Variants in NTNG2 observed in about 807,000 individuals in gnomAD.
NTNG2 encodes the protein netrin-G2.
A neutral mutation model predicts 47.6 loss-of-function variants in NTNG2; 15 were observed. That is an observed-to-expected ratio of 0.32 (90% CI 0.21 to 0.49). The LOEUF is 0.49. Ranked by LOEUF, NTNG2 falls within the 20% of genes least tolerant of loss-of-function variation. The pLI is 0.99. For missense variants in NTNG2, 578 were observed against 764.6 expected, an observed-to-expected ratio of 0.76 and a Z score of 2.88; for synonymous variants, 307 against 324.6, an observed-to-expected ratio of 0.95 and a Z score of 0.58.
intron 3 of NTNG2, among the ~76,000 whole-genome samples, chr9:132,205,556 A>G (rs996598855): frequency 1.6e-4 from 25 of 152,184 alleles, no homozygotes; most frequent in African/African-American, 5.8e-4. Flanking sequence ...AGCACTGTGG[A>G]TGTGCTAATG....
Position 132,182,067 on chromosome 9 carries a change from G to A in NTNG2, c.213+15023G>A, listed in dbSNP as rs548914619. Among the ~76,000 whole-genome samples, 30 of 152,316 alleles carry A rather than the reference G, an allele frequency of 2.0e-4. No homozygotes were observed. The highest frequency in any genetic ancestry group is 3.1e-4 in the Non-Finnish European group (21 of 68,022). On this transcript the variant is annotated intron_variant, in intron 2 of 7. Coordinates refer to ENST00000393229, the MANE Select transcript of NTNG2 (RefSeq NM_032536.4). This position sits in a 1 kb window ranked among gnomAD's most constrained non-coding sequence, Gnocchi z 4.2. ...CGGCAGCCCAGAGAAGGGAGGGCCC[G>A]GAGGAGTGACGGTGTTCCCCACCCC... is the stretch of plus-strand genomic sequence containing the variant.
Position 132,162,569 on chromosome 9 carries a change from A to AATGT in NTNG2, c.-484+330_-484+331insATGT, listed in dbSNP as rs1554775871. Among the ~76,000 whole-genome samples the AATGT allele has an allele frequency of 3.6e-5, 4 of 112,404 alleles. No homozygotes were observed. Among genetic ancestry groups the AATGT allele is most frequent in the African/African-American group, 1.4e-4 (4 of 28,230 alleles). 73.7% of individuals were successfully genotyped at this position (112,404 alleles called of 152,430 possible). ...GTGTGTGTGTGTGAGAGAGAGACAG[A>AATGT]GTGTGTGTGTGTGTGTGTGTGTGTG... On this transcript the variant is annotated intron_variant, in intron 1 of 7. Transcript: ENST00000393229. The surrounding 1 kb of genome is among the most constrained non-coding windows in gnomAD (Gnocchi z 4.6).
At chr9:132,168,285 C>A (rs1270168965) in intron 2 of NTNG2, among the ~76,000 whole-genome samples, 4 of 152,346 alleles carry the variant, frequency 2.6e-5, no homozygotes, top group African/African-American at 9.6e-5. Flanking sequence ...GGCAGCCAGG[C>A]TGCAGAAGCT....
intron 2 of NTNG2, among the ~76,000 whole-genome samples, chr9:132,193,090 T>C (rs1412951555): frequency 2.0e-5 from 3 of 151,910 alleles, no homozygotes; most frequent in Non-Finnish European, 4.4e-5. Context: ...CCCCACCCCA[T>C]AGAACCCATC....
At position 132,226,966 on chromosome 9, in the gene NTNG2, C is replaced by T. The variant is rs1482041770; in HGVS notation, c.975C>T (p.Thr325=). The T allele has an allele frequency of 1.2e-6, 2 of 1,611,918 alleles. No homozygotes were observed. Among genetic ancestry groups the T allele is most frequent in the Middle Eastern group, 1.7e-4 (1 of 6,052 alleles). ...GCAAGTGCAAGAAGAATTTCCGCAC[C>T]CGGTCCTGGCGGGCCGGCTCCTACC... ...DCGKCKKNFR[T]RSWRAGSYLP... Residue 325 remains threonine (T), a synonymous_variant, in exon 4 of 8, where the codon ACC becomes ACT. Transcript: ENST00000393229. The surrounding 1 kb of genome is among the most constrained non-coding windows in gnomAD (Gnocchi z 4.8).
chr9:132,193,000 G>T (rs917969034), intron 2 of NTNG2, among the ~76,000 whole-genome samples: 1 of 152,226 alleles, frequency 6.6e-6, no homozygotes, highest in African/African-American at 2.4e-5. Context: ...GCCAGAGCCA[G>T]CTGTGTCAGT....
intron 2 of NTNG2, among the ~76,000 whole-genome samples, chr9:132,174,759 TAAAA>T (rs1357058788): frequency 6.6e-6 from 1 of 151,768 alleles, no homozygotes; most frequent in Non-Finnish European, 1.5e-5. Flanking sequence ...CCGTCTCTAC[TAAAA>T]ATACAAAAAT....
chr9:132,166,511 T>C lies in NTNG2; in HGVS notation c.-321T>C, dbSNP rs758449050. On this transcript the variant is annotated 5_prime_UTR_variant, in exon 2 of 8. Coordinates refer to ENST00000393229, the MANE Select transcript of NTNG2 (RefSeq NM_032536.4). ...TCCCATTTCCATCCACTGTCACAAT[T>C]TGAGAATCTGCCTGATTTGATCAGA... The C allele has an allele frequency of 2.7e-6, 1 of 376,464 alleles. No individual in the cohort carries two copies. The highest frequency in any genetic ancestry group is 5.0e-6 in the Non-Finnish European group (1 of 198,610). 23.3% of individuals were successfully genotyped at this position (376,464 alleles called of 1,614,324 possible).
rs1211301713 is a variant in NTNG2, at chr9:132,218,689, A to T, written c.858-8160A>T. Among the ~76,000 whole-genome samples the T allele has an allele frequency of 1.3e-5, 2 of 151,826 alleles. No homozygotes were observed. Among genetic ancestry groups the T allele is most frequent in the African/African-American group, 2.4e-5 (1 of 41,332 alleles). On this transcript the variant is annotated intron_variant, in intron 3 of 7. Transcript: ENST00000393229. This position sits in a 1 kb window ranked among gnomAD's most constrained non-coding sequence, Gnocchi z 5.4. ...TTTTTGTATTTTTAGTAGAGACGGG[A>T]TTTCACCATGTTGGCCAGGCTGGTC...
At chr9:132,227,287 C>T (rs11243682) in intron 4 of NTNG2, among the ~76,000 whole-genome samples, 90,153 of 152,180 alleles carry the variant, frequency 0.59, 26,811 homozygotes, top group Middle Eastern at 0.7. Context: ...AGCTCCCAAA[C>T]GCCAGGTCTC....
chr9:132,216,414 CTGTGTGTGTGTGTATGTGTGTGTGTGTG>C (rs1247681348), intron 3 of NTNG2, among the ~76,000 whole-genome samples: 3 of 110,286 alleles, frequency 2.7e-5, no homozygotes, highest in African/African-American at 1.5e-4. Flanking sequence ...CTCTCTCTCT[CTGTGTGTGTGTGTATGTGTGTGTGTGTG>C]TGTGTGTGTG....
chr9:132,190,126 G>T (rs903370059), intron 2 of NTNG2, among the ~76,000 whole-genome samples: 1 of 148,772 alleles, frequency 6.7e-6, no homozygotes, highest in Non-Finnish European at 1.5e-5. Flanking sequence ...CCAGCTACTT[G>T]GGAGGCTGAG....
At chr9:132,184,052 A>G (rs533929901) in intron 2 of NTNG2, among the ~76,000 whole-genome samples, 1 of 152,340 alleles carries the variant, frequency 6.6e-6, no homozygotes, top group Non-Finnish European at 1.5e-5. Context: ...GAATAAATCA[A>G]TGAAACTTAC....
In NTNG2 at chr9:132,242,201, G is replaced by A. The variant is rs541334778; in HGVS notation, c.*90G>A. 90 of 562,188 alleles carry A rather than the reference G, an allele frequency of 1.6e-4. 2 individuals are homozygous for A. In the East Asian group the frequency reaches 9.0e-3, roughly 56 times the overall value. The allele number at this position is 562,188 out of a possible 1,614,324, so 34.8% of individuals were successfully genotyped here. On this transcript the variant is annotated 3_prime_UTR_variant, in exon 8 of 8. Coordinates refer to ENST00000393229, the MANE Select transcript of NTNG2 (RefSeq NM_032536.4). This position sits in a 1 kb window ranked among gnomAD's most constrained non-coding sequence, Gnocchi z 5.9. ...GGCGTCCGAGGCCGGGCGGTGAGAA[G>A]GGTGCGGCCCGAGGTGCTCCCAGGT...
chr9:132,181,111 T>A (rs1219063272), intron 2 of NTNG2, among the ~76,000 whole-genome samples: 1 of 152,086 alleles, frequency 6.6e-6, no homozygotes, highest in Non-Finnish European at 1.5e-5. Context: ...TGAGACAGGG[T>A]CTCACTCTGT....
chr9:132,191,732 C>T (rs1015122678), intron 2 of NTNG2, among the ~76,000 whole-genome samples: 2 of 152,074 alleles, frequency 1.3e-5, no homozygotes, highest in South Asian at 2.1e-4. Flanking sequence ...CCGCTACACC[C>T]GGCTAATTTT....
At chr9:132,230,519 A>T (rs1589540270) in intron 4 of NTNG2, 53 bp from the exon 5 acceptor site, 1 of 1,557,386 alleles carries the variant, frequency 6.4e-7, no homozygotes, top group East Asian at 2.3e-5. Context: ...GGGAGGTGAC[A>T]CCCAGGCCCC....
chr9:132,215,835 C>G lies in NTNG2; in HGVS notation c.858-11014C>G, dbSNP rs894742746. On this transcript the variant is annotated intron_variant, in intron 3 of 7. Coordinates refer to ENST00000393229, the MANE Select transcript of NTNG2 (RefSeq NM_032536.4). This position sits in a 1 kb window ranked among gnomAD's most constrained non-coding sequence, Gnocchi z 4.2. Reference sequence around the variant, plus strand: ...AAGGCCGATCTTGGCACCTGGGAGCCCATGTACTCTCATCTCCGTCCCTCC... The same window carrying G: ...AAGGCCGATCTTGGCACCTGGGAGCGCATGTACTCTCATCTCCGTCCCTCC... Among the ~76,000 whole-genome samples, 17 of 152,102 alleles carry G rather than the reference C, an allele frequency of 1.1e-4. No homozygotes were observed. Among genetic ancestry groups the G allele is most frequent in the African/African-American group, 3.9e-4 (16 of 41,406 alleles).
At chr9:132,199,040 T>C (rs986238480) in intron 3 of NTNG2, among the ~76,000 whole-genome samples, 7 of 152,112 alleles carry the variant, frequency 4.6e-5, no homozygotes, top group Non-Finnish European at 7.4e-5. Flanking sequence ...TCTCAGGACA[T>C]TACCTGATAT....
Sources: allele counts gnomAD v4.1 joint callset (sites outside exome capture counted in the v4.1 genomes callset), GRCh38; gene constraint gnomAD v4.1.1; non-coding constraint Gnocchi (gnomAD v3.1); transcripts MANE v1.5; gene names NCBI Gene and HGNC (gene_info 2026-07-23, HGNC 2026-07-21).